Variants in FAM227B observed in about 807,000 individuals in gnomAD.
FAM227B encodes family with sequence similarity 227 member B.
Under a neutral mutation model 73.8 loss-of-function variants are expected in FAM227B, and 88 were observed. That is an observed-to-expected ratio of 1.19 (90% CI 1.00 to 1.42). The LOEUF (loss-of-function observed/expected upper bound fraction) is 1.42. FAM227B is among the 40% of genes most tolerant of loss of function. The probability of loss-of-function intolerance (pLI) is 0.00; values close to 1 mark genes in which losing one functional copy is unlikely to be tolerated. For missense variants in FAM227B, 632 were observed against 590.9 expected (o/e 1.07, Z -0.72); for synonymous variants, 210 against 190.5 (o/e 1.10, Z -0.84).
At chr15:49,419,498 AAC>A (rs1250111845) in intron 11 of FAM227B, among the ~76,000 whole-genome samples, 3 of 152,240 alleles carry the variant, frequency 2.0e-5, no homozygotes, top group African/African-American at 7.2e-5. Flanking sequence ...GGGATAAATG[AAC>A]ACAGTTTAAT....
At chr15:49,369,003 C>T (rs185391508) in intron 12 of FAM227B, among the ~76,000 whole-genome samples, 63 of 152,250 alleles carry the variant, frequency 4.1e-4, no homozygotes, top group African/African-American at 1.4e-3. Flanking sequence ...CGGAGTCTCG[C>T]TCTGGAGTGC....
At chr15:49,473,599 G>T (rs1349268562) in intron 11 of FAM227B, among the ~76,000 whole-genome samples, 2 of 151,806 alleles carry the variant, frequency 1.3e-5, no homozygotes, top group African/African-American at 4.8e-5. Context: ...GTTTTGGAGG[G>T]GTATAATGAC....
intron 11 of FAM227B, among the ~76,000 whole-genome samples, chr15:49,479,911 G>A (rs148871918): frequency 6.6e-4 from 100 of 152,266 alleles, no homozygotes; most frequent in African/African-American, 2.2e-3. Flanking sequence ...ACTGCGCTCC[G>A]CCCATAGTTA....
At chr15:49,339,337 A>G (rs1030528149) in intron 13 of FAM227B, among the ~76,000 whole-genome samples, 3 of 151,894 alleles carry the variant, frequency 2.0e-5, no homozygotes, top group African/African-American at 4.8e-5. Flanking sequence ...CTTTTTGTTG[A>G]TGTTGATATT....
chr15:49,485,905 T>G (rs2056365935), intron 11 of FAM227B: 1 of 152,092 alleles, frequency 6.6e-6, no homozygotes, highest in Non-Finnish European at 1.5e-5. Flanking sequence ...GAAAGTTGTT[T>G]TCCTGTTAGA....
chr15:49,606,147 A>G (rs1023064305), intron 3 of FAM227B: 1 of 152,174 alleles, frequency 6.6e-6, no homozygotes, highest in Non-Finnish European at 1.5e-5. Flanking sequence ...AAGACTAGTA[A>G]TATCTCACCT....
In FAM227B at chr15:49,588,011, C is replaced by A. The variant is rs765272665; in HGVS notation, c.405+5G>T. The A allele has an allele frequency of 1.4e-6, 2 of 1,444,554 alleles. No individual in the cohort carries two copies. The highest frequency in any genetic ancestry group is 1.8e-6 in the Non-Finnish European group (2 of 1,085,028). 89.5% of individuals were successfully genotyped at this position (1,444,554 alleles called of 1,614,324 possible). A position where few individuals can be genotyped will look rare whatever the true frequency, so the allele number is the denominator to read the frequency against. Reference sequence around the variant, plus strand: ...TCAAGGATGATAAAAACATAGATACCATACCATTATCTTTTTTTTCTTATG... The same window carrying A: ...TCAAGGATGATAAAAACATAGATACAATACCATTATCTTTTTTTTCTTATG... On this transcript the variant is annotated splice_donor_5th_base_variant and intron_variant, in intron 5 of 15. Transcript: ENST00000299338.
Position 49,481,528 on chromosome 15 carries a change from C to T in FAM227B, c.1012+26683G>A, listed in dbSNP as rs551799569. Among the ~76,000 whole-genome samples the T allele has an allele frequency of 2.0e-4, 31 of 152,282 alleles. No individual in the cohort carries two copies. In the South Asian group the frequency reaches 5.6e-3, roughly 28 times the overall value. ...AGATGTGTTGAACGTTACATGAATGCATCAACATCATAATCCTTCATGTGC... is the reference window on the plus strand; with the variant it reads ...AGATGTGTTGAACGTTACATGAATGTATCAACATCATAATCCTTCATGTGC... On this transcript the variant is annotated intron_variant, in intron 11 of 15. Coordinates refer to ENST00000299338, the MANE Select transcript of FAM227B (RefSeq NM_152647.3).
intron 11 of FAM227B, among the ~76,000 whole-genome samples, chr15:49,404,163 G>A (rs1488650700): frequency 6.6e-6 from 1 of 152,124 alleles, no homozygotes. Context: ...ATTTGCTGAG[G>A]AATGTTCTGT....
intron 14 of FAM227B, among the ~76,000 whole-genome samples, chr15:49,332,325 A>G (rs1456334986): frequency 1.3e-5 from 2 of 152,224 alleles, no homozygotes; most frequent in East Asian, 3.8e-4. Flanking sequence ...GAGAAGAGTA[A>G]AAGAGACTGG....
At chr15:49,464,520 CAG>C (rs1250694863) in intron 11 of FAM227B, among the ~76,000 whole-genome samples, 1 of 152,094 alleles carries the variant, frequency 6.6e-6, no homozygotes, top group Non-Finnish European at 1.5e-5. Context: ...TGCTGGAAGA[CAG>C]AACATTTATA....
Position 49,328,555 on chromosome 15 carries a change from T to C in FAM227B, c.*13A>G, listed in dbSNP as rs1356943578. ...ATGCATTATTCTTGAATAGAGTTCATTTCTGGTTTCTCTTAGTATTCTTCT... is the reference window on the plus strand; with the variant it reads ...ATGCATTATTCTTGAATAGAGTTCACTTCTGGTTTCTCTTAGTATTCTTCT... On this transcript the variant is annotated 3_prime_UTR_variant, in exon 16 of 16. Transcript: ENST00000299338. The C allele has an allele frequency of 3.2e-5, 52 of 1,606,428 alleles. No homozygotes were observed. The highest frequency in any genetic ancestry group is 8.9e-5 in the East Asian group (4 of 44,758).
intron 11 of FAM227B, among the ~76,000 whole-genome samples, chr15:49,405,198 T>G (rs1358939235): frequency 2.0e-5 from 3 of 152,212 alleles, no homozygotes; most frequent in African/African-American, 7.2e-5. Context: ...TTCTTTCATT[T>G]CAACCTTAGA....
At chr15:49,364,156 C>G (rs2044720590) in intron 13 of FAM227B, among the ~76,000 whole-genome samples, 1 of 152,032 alleles carries the variant, frequency 6.6e-6, no homozygotes, top group East Asian at 1.9e-4. Context: ...GTCCCTCCTC[C>G]TCAATGTTTT....
intron 11 of FAM227B, among the ~76,000 whole-genome samples, chr15:49,402,530 T>C (rs112151945): frequency 0.017 from 2,617 of 152,278 alleles, 34 homozygotes; most frequent in South Asian, 0.065. Flanking sequence ...ATTTTATTTT[T>C]ATTGTAGCAA....
chr15:49,333,219 T>C (rs956923743), intron 14 of FAM227B, among the ~76,000 whole-genome samples: 1 of 152,186 alleles, frequency 6.6e-6, no homozygotes. Flanking sequence ...TTCAGTGGTT[T>C]TAGTACATTC....
intron 5 of FAM227B, among the ~76,000 whole-genome samples, chr15:49,586,246 C>A (rs1317122803): frequency 3.3e-5 from 5 of 152,108 alleles, no homozygotes; most frequent in Non-Finnish European, 5.9e-5. Context: ...ACATCTACAA[C>A]TACCTGATCT....
chr15:49,336,086 G>A (rs1036489405), intron 13 of FAM227B, among the ~76,000 whole-genome samples: 1 of 152,188 alleles, frequency 6.6e-6, no homozygotes, highest in Admixed American at 6.5e-5. Flanking sequence ...GGGATTACAG[G>A]TGTGAGCCAC....
intron 10 of FAM227B, among the ~76,000 whole-genome samples, chr15:49,521,041 G>C (rs1320741564): frequency 6.6e-6 from 1 of 152,138 alleles, no homozygotes; most frequent in Non-Finnish European, 1.5e-5. Context: ...AACTTCCTGG[G>C]GGTACAGCAC....
Sources: allele counts gnomAD v4.1 joint callset (sites outside exome capture counted in the v4.1 genomes callset), GRCh38; gene constraint gnomAD v4.1.1; transcripts MANE v1.5; gene names NCBI Gene and HGNC (gene_info 2026-07-23, HGNC 2026-07-21).